DAB1: variants seen among roughly 807,000 people sequenced by gnomAD.
DAB1 encodes the protein DAB adaptor protein 1.
Under a neutral mutation model 64.6 loss-of-function variants are expected in DAB1, and 15 were observed. The ratio of observed to expected loss-of-function variants is 0.23; its 90% CI spans 0.16 to 0.36. DAB1 has a LOEUF of 0.36. Among genes scored for constraint, DAB1 ranks in the 10% least tolerant of loss-of-function variants. The pLI, the probability that DAB1 is intolerant of heterozygous loss-of-function variation, is 1.00. For synonymous variants in DAB1, 235 were observed against 251.9 expected, an observed-to-expected ratio of 0.93 and a Z score of 0.64; for missense variants, 596 against 706.7, an observed-to-expected ratio of 0.84 and a Z score of 1.78.
At chr1:57,562,816 A>G (rs1016913267) in intron 7 of DAB1, among the ~76,000 whole-genome samples, 16 of 152,150 alleles carry the variant, frequency 1.1e-4, no homozygotes, top group African/African-American at 3.9e-4. Flanking sequence ...GGAAGTTAAG[A>G]TTGCATTTGG....
chr1:57,548,531 A>C (rs1644880088), intron 7 of DAB1, among the ~76,000 whole-genome samples: 1 of 152,234 alleles, frequency 6.6e-6, no homozygotes, highest in African/African-American at 2.4e-5. Context: ...GTAAACAGAA[A>C]GTTATAAGCA....
chr1:58,359,605 A>G lies in DAB1; in HGVS notation n.258-16202T>C, dbSNP rs1376000243. 3.9e-5 allele frequency among the ~76,000 whole-genome samples: 6 copies of G among 152,182 alleles called. No individual in the cohort carries two copies. In the South Asian group the frequency reaches 6.2e-4, roughly 16 times the overall value. ...CAGAGAAACCTAAGGCGTACCTACC[A>G]CCTGGCTCTGCATGCTTCAGTAATC... On this transcript the variant is annotated intron_variant and non_coding_transcript_variant, in intron 3 of 20. Coordinates refer to the DAB1 transcript ENST00000485760.
At chr1:57,402,530 T>C (rs2101034874) in intron 1 of DAB1, among the ~76,000 whole-genome samples, 1 of 152,326 alleles carries the variant, frequency 6.6e-6, no homozygotes, top group East Asian at 1.9e-4. Flanking sequence ...AGCTGGGGAC[T>C]GAAGTGCCCA....
chr1:57,189,273 T>A (rs551421498), intron 2 of DAB1, among the ~76,000 whole-genome samples: 2 of 152,338 alleles, frequency 1.3e-5, no homozygotes, highest in East Asian at 3.9e-4. Context: ...TGTAGTCTTT[T>A]ATCAACATTT....
intron 5 of DAB1, among the ~76,000 whole-genome samples, chr1:58,026,770 T>G (rs1646901311): frequency 6.6e-6 from 1 of 152,178 alleles, no homozygotes; most frequent in African/African-American, 2.4e-5. Flanking sequence ...GGAATATAGA[T>G]CCATGGGAGA....
At chr1:57,605,805 T>C in intron 7 of DAB1, 1 of 453,314 alleles carries the variant, frequency 2.2e-6, no homozygotes, top group South Asian at 2.4e-5. Context: ...ATTTTTTTTT[T>C]TATTTTAAAC....
intron 6 of DAB1, among the ~76,000 whole-genome samples, chr1:57,699,739 C>A (rs1646885928): frequency 1.3e-5 from 2 of 152,128 alleles, no homozygotes; most frequent in Non-Finnish European, 2.9e-5. Context: ...ATGGTGAAAC[C>A]CTGTCTCTAC....
At chr1:57,510,285 A>T (rs190411915) in intron 7 of DAB1, among the ~76,000 whole-genome samples, 93 of 152,124 alleles carry the variant, frequency 6.1e-4, no homozygotes, top group African/African-American at 2.0e-3. Flanking sequence ...TCCAGAGCTG[A>T]CCACCGCCTC....
intron 2 of DAB1, among the ~76,000 whole-genome samples, chr1:57,243,819 C>A (rs1039914822): frequency 6.6e-6 from 1 of 152,182 alleles, no homozygotes; most frequent in African/African-American, 2.4e-5. Context: ...CCCCAACAAC[C>A]ACACAGGAGC....
intron 3 of DAB1, among the ~76,000 whole-genome samples, chr1:58,380,622 C>G (rs1444051973): frequency 2.0e-5 from 3 of 152,298 alleles, no homozygotes; most frequent in Non-Finnish European, 4.4e-5. Flanking sequence ...AGGTTGTCAT[C>G]AGCTTTTCTT....
intron 9 of DAB1, among the ~76,000 whole-genome samples, chr1:57,038,303 GT>G (rs1026751090): frequency 6.6e-6 from 1 of 151,984 alleles, no homozygotes; most frequent in Non-Finnish European, 1.5e-5. Context: ...GCTATAAGAG[GT>G]TTTTTTTCAT....
chr1:57,658,831 G>A (rs941259257), intron 6 of DAB1, among the ~76,000 whole-genome samples: 2 of 152,184 alleles, frequency 1.3e-5, no homozygotes, highest in Non-Finnish European at 2.9e-5. Context: ...CTTCCAAAGT[G>A]CTGGGATTAC....
At chr1:58,126,462 T>TG (rs1327432244) in intron 5 of DAB1, among the ~76,000 whole-genome samples, 1 of 97,682 alleles carries the variant, frequency 1.0e-5, no homozygotes, top group Non-Finnish European at 2.2e-5. Context: ...TTTCTTTTTT[T>TG]TTTTTTATTA....
At chr1:57,698,191 AC>A (rs1187820517) in intron 6 of DAB1, among the ~76,000 whole-genome samples, 1 of 150,078 alleles carries the variant, frequency 6.7e-6, no homozygotes, top group African/African-American at 2.5e-5. Flanking sequence ...GGCTCAAGGA[AC>A]CCTCCTTCTT....
chr1:57,988,716 G>C (rs1246623750), intron 5 of DAB1, among the ~76,000 whole-genome samples: 2 of 152,170 alleles, frequency 1.3e-5, no homozygotes, highest in Non-Finnish European at 2.9e-5. Flanking sequence ...GGGATGGCAA[G>C]GGATTGAGAG....
chr1:58,127,873 T>C (rs908435195), intron 5 of DAB1, among the ~76,000 whole-genome samples: 14 of 152,202 alleles, frequency 9.2e-5, no homozygotes, highest in South Asian at 2.1e-4. Flanking sequence ...CCTTGTAGTA[T>C]AGTTTGAAGT....
intron 4 of DAB1, among the ~76,000 whole-genome samples, chr1:58,292,866 G>A (rs958581205): frequency 5.9e-5 from 9 of 152,096 alleles, no homozygotes; most frequent in African/African-American, 1.9e-4. Context: ...TTTAATAGGA[G>A]TCAGTCTCTG....
In DAB1 at chr1:57,031,050, A is replaced by C. The variant is rs114331999; in HGVS notation, c.724-5007T>G. On this transcript the variant is annotated intron_variant, in intron 9 of 14. Coordinates refer to ENST00000371236, the MANE Select transcript of DAB1 (RefSeq NM_001365792.1). ...TTATTGGCTAATTTTCTCCTTAAGC[A>C]CAACTTTTAAAATAACCTTCATACT... Among the ~76,000 whole-genome samples the C allele has an allele frequency of 7.2e-3, 1,092 of 152,384 alleles. 12 individuals are homozygous for C. The highest frequency in any genetic ancestry group is 9.7e-3 in the Non-Finnish European group (657 of 68,042).
At chr1:58,334,404 G>C (rs1663049855) in intron 4 of DAB1, among the ~76,000 whole-genome samples, 1 of 152,022 alleles carries the variant, frequency 6.6e-6, no homozygotes, top group South Asian at 2.1e-4. Flanking sequence ...TACTGGGGTT[G>C]TTTATTATTG....
Sources: allele counts gnomAD v4.1 joint callset (sites outside exome capture counted in the v4.1 genomes callset), GRCh38; gene constraint gnomAD v4.1.1; transcripts MANE v1.5; gene names NCBI Gene and HGNC (gene_info 2026-07-23, HGNC 2026-07-21).